The following DHX37 variants were observed in gnomAD, a reference collection of about 807,000 sequenced individuals.
The protein encoded by DHX37 is probable ATP-dependent RNA helicase DHX37.
DHX37 carries 52 observed loss-of-function variants against 134.3 expected under a neutral mutation model. That is an observed-to-expected ratio of 0.39 (90% CI 0.31 to 0.49). The LOEUF (loss-of-function observed/expected upper bound fraction) is 0.49. Ranked by LOEUF, DHX37 falls within the 20% of genes least tolerant of loss-of-function variation. The probability of loss-of-function intolerance (pLI) is 0.93; values close to 1 mark genes in which losing one functional copy is unlikely to be tolerated. For synonymous variants in DHX37, 634 were observed against 670.7 expected, an observed-to-expected ratio of 0.95 and a Z score of 0.85; for missense variants, 1,344 against 1,580.8, an observed-to-expected ratio of 0.85 and a Z score of 2.54.
chr12:124,951,660 G>A (rs1311538807), intron 21 of DHX37, among the ~76,000 whole-genome samples: 1 of 152,186 alleles, frequency 6.6e-6, no homozygotes, highest in Non-Finnish European at 1.5e-5. Context: ...GGAGGCCAAG[G>A]TGGAAGGATT....
At chr12:124,961,452 G>A (rs755441343) in intron 15 of DHX37, among the ~76,000 whole-genome samples, 2 of 151,738 alleles carry the variant, frequency 1.3e-5, no homozygotes, top group Non-Finnish European at 2.9e-5. Context: ...TTTTTGAGAT[G>A]AAGTCTCGCT....
intron 10 of DHX37, among the ~76,000 whole-genome samples, chr12:124,967,756 C>G (rs1367008489): frequency 6.6e-6 from 1 of 152,122 alleles, no homozygotes; most frequent in African/African-American, 2.4e-5. Flanking sequence ...CAGCCTTGGG[C>G]CCAAATTCGG....
At chr12:124,972,703 C>T (rs1954546099) in intron 6 of DHX37, 104 bp from the exon 7 acceptor site, 3 of 1,104,000 alleles carry the variant, frequency 2.7e-6, no homozygotes, top group Admixed American at 1.8e-5. Context: ...GGCTTGAGGG[C>T]AGGGCCCGCT....
At chr12:124,979,455 G>A (rs993159889) in intron 4 of DHX37, among the ~76,000 whole-genome samples, 2 of 152,122 alleles carry the variant, frequency 1.3e-5, no homozygotes, top group Admixed American at 6.6e-5. Flanking sequence ...CTCATCCTGC[G>A]CTATATTCAC....
At chr12:124,957,186 C>T (rs1194047868) in intron 16 of DHX37, 51 bp from the exon 17 acceptor site, 3 of 1,442,208 alleles carry the variant, frequency 2.1e-6, no homozygotes, top group Non-Finnish European at 2.8e-6. Context: ...AAGAACAAGT[C>T]CGGTGCTCCT....
Position 124,982,630 on chromosome 12 carries a change from A to G in DHX37, c.277-7T>C. ...TCTGTAGCATCTCTGCTCGCTGGGA[A>G]AGGAAACGAGTGTATTATGCATTTG... On this transcript the variant is annotated splice_region_variant and splice_polypyrimidine_tract_variant and intron_variant, in intron 2 of 26. Transcript: ENST00000308736. The G allele has an allele frequency of 3.1e-6, 5 of 1,612,460 alleles. No homozygotes were observed. In the South Asian group the frequency reaches 5.5e-5, roughly 18 times the overall value.
At chr12:124,956,325 TC>T (rs1202558434) in intron 18 of DHX37, among the ~76,000 whole-genome samples, 1 of 152,124 alleles carries the variant, frequency 6.6e-6, no homozygotes, top group East Asian at 1.9e-4. Context: ...ACCCCTTTTA[TC>T]ATTAAGCTGC....
intron 20 of DHX37, 199 bp downstream of exon 20, chr12:124,953,681 G>T: frequency 1.0e-6 from 1 of 967,692 alleles, no homozygotes; most frequent in Non-Finnish European, 1.5e-6. Flanking sequence ...CTGGCAGCTC[G>T]AATCTGTTAG....
chr12:124,950,303 C>T (rs930588272), intron 23 of DHX37, 60 bp from the exon 24 acceptor site: 6 of 1,607,424 alleles, frequency 3.7e-6, no homozygotes, highest in Non-Finnish European at 5.1e-6. Context: ...CGAGTCCCAT[C>T]CCTGCCCCAC....
chr12:124,961,783 C>T (rs1403153411), intron 15 of DHX37, among the ~76,000 whole-genome samples: 1 of 152,024 alleles, frequency 6.6e-6, no homozygotes, highest in Non-Finnish European at 1.5e-5. Flanking sequence ...AAAAAATGAG[C>T]AAAAGATCTG....
intron 1 of DHX37, among the ~76,000 whole-genome samples, chr12:124,987,772 C>T (rs961601662): frequency 5.3e-5 from 8 of 152,136 alleles, no homozygotes; most frequent in African/African-American, 1.9e-4. Flanking sequence ...GTATTCTATT[C>T]ACTGGTTGAG....
At position 124,948,074 on chromosome 12, in the gene DHX37, T is replaced by C; in HGVS notation, c.3388+10A>G. On this transcript the variant is annotated intron_variant, in intron 26 of 26. Transcript: ENST00000308736. ...GTCTACTCCCACCCCCTGGCCCTGGTCAAACTCACATTTGGGGTTTTTCTT... is the reference window on the plus strand; with the variant it reads ...GTCTACTCCCACCCCCTGGCCCTGGCCAAACTCACATTTGGGGTTTTTCTT... The C allele has an allele frequency of 6.2e-7, 1 of 1,614,246 alleles. No homozygotes were observed. Among genetic ancestry groups the C allele is most frequent in the Non-Finnish European group, 8.5e-7 (1 of 1,180,044 alleles).
chr12:124,958,859 TG>T (rs1476241618), intron 16 of DHX37, among the ~76,000 whole-genome samples: 2 of 151,424 alleles, frequency 1.3e-5, no homozygotes, highest in Non-Finnish European at 1.5e-5. Flanking sequence ...CTCCTGATGT[TG>T]TGATCCACCC....
At chr12:124,981,665 C>T (rs1954763595) in intron 3 of DHX37, among the ~76,000 whole-genome samples, 1 of 151,858 alleles carries the variant, frequency 6.6e-6, no homozygotes. Context: ...AAACTCCTGA[C>T]CTCAGGTGAT....
At position 124,972,498 on chromosome 12, in the gene DHX37, C is replaced by T. The variant is rs1954542224; in HGVS notation, c.1077+5G>A. Reference sequence around the variant, plus strand: ...TTGCTCTGTGAGCCAGGATCCACAACCAACCTTCTGGATTTCTTTAAGCAG... The same window carrying T: ...TTGCTCTGTGAGCCAGGATCCACAATCAACCTTCTGGATTTCTTTAAGCAG... On this transcript the variant is annotated splice_donor_5th_base_variant and intron_variant, in intron 7 of 26. Transcript: ENST00000308736. 2 of 1,614,038 alleles carry T rather than the reference C, an allele frequency of 1.2e-6. No homozygotes were observed. The highest frequency in any genetic ancestry group is 1.3e-5 in the African/African-American group (1 of 74,954).
intron 18 of DHX37, among the ~76,000 whole-genome samples, chr12:124,956,398 T>C (rs1954094688): frequency 6.6e-6 from 1 of 152,222 alleles, no homozygotes. Flanking sequence ...ATTCTAAGAA[T>C]TAGCATGTAG....
chr12:124,954,204 C>A lies in DHX37; in HGVS notation c.2461G>T (p.Ala821Ser). 2 of 1,595,096 alleles carry A rather than the reference C, an allele frequency of 1.3e-6. No individual in the cohort carries two copies. Among genetic ancestry groups the A allele is most frequent in the Non-Finnish European group, 8.5e-7 (1 of 1,172,126 alleles). ...ELFEELDRPA[A>S]SDEELTRLKS... ...AGCCTGGTGAGCTCCTCGTCACTGGCCGCTGGTCTGCAAACACACATACAT... is the reference window on the plus strand; with the variant it reads ...AGCCTGGTGAGCTCCTCGTCACTGGACGCTGGTCTGCAAACACACATACAT... The change falls in exon 19 of 27, where the codon GCC becomes TCC. Residue 821 changes from alanine (A) to serine (S), a missense_variant. Around this residue, in one of 7 missense-constraint regions of DHX37, gnomAD observed 558 missense variants for 650.0 expected, o/e 0.86. Coordinates refer to ENST00000308736, the MANE Select transcript of DHX37 (RefSeq NM_032656.4).
intron 10 of DHX37, 46 bp downstream of exon 10, chr12:124,968,488 G>C (rs1054391914): frequency 2.5e-6 from 4 of 1,603,498 alleles, no homozygotes; most frequent in Non-Finnish European, 3.4e-6. Context: ...TTCAGCGAGG[G>C]TTTAGGAAGG....
At chr12:124,969,921 A>C (rs1594495850) in intron 8 of DHX37, among the ~76,000 whole-genome samples, 1 of 818 alleles carries the variant, frequency 1.2e-3, no homozygotes, top group South Asian at 0.1. Flanking sequence ...CCTGCCTCGA[A>C]AAAAAAAAAC....
Sources: gnomAD v4.1 joint callset for allele counts (sites outside exome capture counted in the v4.1 genomes callset) on GRCh38, gnomAD v4.1.1 for gene constraint, gnomAD v4.1.1 regional missense constraint, MANE v1.5 for transcripts, NCBI Gene and HGNC (gene_info 2026-07-23, HGNC 2026-07-21) for gene names.